Variants in RAP1GAP2 observed in about 807,000 individuals in gnomAD.
The protein encoded by RAP1GAP2 is rap1 GTPase-activating protein 2.
RAP1GAP2 carries 27 observed loss-of-function variants against 95.0 expected under a neutral mutation model. That is an observed-to-expected ratio of 0.28 (90% confidence interval 0.21 to 0.39). RAP1GAP2 has a LOEUF of 0.39. Among genes scored for constraint, RAP1GAP2 ranks in the 10% least tolerant of loss-of-function variants. The pLI is 1.00. For missense variants in RAP1GAP2, 771 were observed against 970.0 expected (o/e 0.79, Z 2.72); for synonymous variants, 373 against 380.9 (o/e 0.98, Z 0.24).
At chr17:2,789,781 GAAAAAAAAAA>G (rs35791780) in intron 1 of RAP1GAP2, among the ~76,000 whole-genome samples, 3 of 71,996 alleles carry the variant, frequency 4.2e-5, no homozygotes, top group Non-Finnish European at 7.3e-5. Context: ...GACTCCATCT[GAAAAAAAAAA>G]AAAAAAAAAA....
intron 2 of RAP1GAP2, among the ~76,000 whole-genome samples, chr17:2,841,415 T>G (rs1231818636): frequency 6.7e-6 from 1 of 148,966 alleles, no homozygotes; most frequent in Non-Finnish European, 1.5e-5. Context: ...GCCATTCTCC[T>G]GCCTCAGCCT....
At chr17:2,886,995 T>A (rs1308105964) in intron 2 of RAP1GAP2, among the ~76,000 whole-genome samples, 2 of 152,188 alleles carry the variant, frequency 1.3e-5, no homozygotes, top group Non-Finnish European at 2.9e-5. Context: ...TTGAAAAGAT[T>A]AAATGAAATA....
chr17:2,913,269 G>A (rs2042453477), intron 3 of RAP1GAP2, among the ~76,000 whole-genome samples: 1 of 151,802 alleles, frequency 6.6e-6, no homozygotes, highest in African/African-American at 2.4e-5. Flanking sequence ...ACCTGAGCAT[G>A]TGCCTATTTT....
chr17:2,796,594 G>A lies in RAP1GAP2; in HGVS notation c.44+23G>A. The A allele has an allele frequency of 6.4e-7, 1 of 1,554,030 alleles. No homozygotes were observed. Among genetic ancestry groups the A allele is most frequent in the East Asian group, 2.4e-5 (1 of 41,268 alleles). ...ATGGTGGGTGACAGGTGGGAGGGTG[G>A]GGGAATGATGGGAGAGAACTTAGAA... On this transcript the variant is annotated intron_variant, in intron 1 of 24. Coordinates refer to ENST00000254695, the MANE Select transcript of RAP1GAP2 (RefSeq NM_015085.5). This position sits in a 1 kb window ranked among gnomAD's most constrained non-coding sequence, Gnocchi z 4.7.
At chr17:2,899,444 C>T (rs890572712) in intron 2 of RAP1GAP2, among the ~76,000 whole-genome samples, 3 of 152,064 alleles carry the variant, frequency 2.0e-5, no homozygotes, top group Non-Finnish European at 1.5e-5. Flanking sequence ...ATCTCCTGAC[C>T]TCGTGATCCG....
intron 2 of RAP1GAP2, among the ~76,000 whole-genome samples, chr17:2,864,548 G>C (rs1349921783): frequency 7.9e-5 from 12 of 152,178 alleles, no homozygotes; most frequent in Admixed American, 6.5e-5. Flanking sequence ...CCTACACCTG[G>C]CCACACCTTT....
At chr17:2,781,727 T>C (rs939417030) in intron 1 of RAP1GAP2, among the ~76,000 whole-genome samples, 2 of 150,500 alleles carry the variant, frequency 1.3e-5, no homozygotes, top group Non-Finnish European at 3.0e-5. Flanking sequence ...CACGTCTCTG[T>C]GTGTGCACGT....
chr17:2,813,928 A>G (rs1365314876), intron 2 of RAP1GAP2, among the ~76,000 whole-genome samples: 1 of 152,044 alleles, frequency 6.6e-6, no homozygotes, highest in East Asian at 1.9e-4. Flanking sequence ...GCACCATTGC[A>G]CTCTAGCCTG....
intron 2 of RAP1GAP2, among the ~76,000 whole-genome samples, chr17:2,815,984 G>A (rs536518555): frequency 4.6e-5 from 7 of 152,340 alleles, no homozygotes; most frequent in East Asian, 3.9e-4. Flanking sequence ...AAGGGCAGAC[G>A]TGTGTGTACA....
intron 1 of RAP1GAP2, among the ~76,000 whole-genome samples, chr17:2,764,561 AAG>A (rs1166575571): frequency 2.0e-5 from 3 of 151,700 alleles, no homozygotes; most frequent in African/African-American, 7.3e-5. Flanking sequence ...TCTCTACTAA[AAG>A]CACAAAAATT....
At chr17:2,840,804 C>G (rs973592055) in intron 2 of RAP1GAP2, among the ~76,000 whole-genome samples, 1 of 151,938 alleles carries the variant, frequency 6.6e-6, no homozygotes, top group Non-Finnish European at 1.5e-5. Context: ...TCGAGACCAG[C>G]CTGGCCAATA....
rs2047359106 is a variant in RAP1GAP2, at chr17:3,032,572, AAG to A, written c.*30+126_*30+127del. ...AGATGCCGCCAGCTGGGGATGTCCA[AAG>A]AGTCTCCTACTCGCCCCTGAAGACC... On this transcript the variant is annotated intron_variant, in intron 24 of 24. Transcript: ENST00000254695. 5 of 949,482 alleles carry A rather than the reference AAG, an allele frequency of 5.3e-6. No homozygotes were observed. The African/African-American group carries it at 6.5e-5, about 12-fold the overall frequency. 58.8% of individuals were successfully genotyped at this position (949,482 alleles called of 1,614,324 possible). A position where few individuals can be genotyped will look rare whatever the true frequency, so the allele number is the denominator to read the frequency against.
At chr17:2,934,614 T>C (rs1332464922) in intron 3 of RAP1GAP2, among the ~76,000 whole-genome samples, 1 of 152,238 alleles carries the variant, frequency 6.6e-6, no homozygotes, top group African/African-American at 2.4e-5. Flanking sequence ...GTACAAATAA[T>C]TACTGAGTGT....
intron 8 of RAP1GAP2, among the ~76,000 whole-genome samples, chr17:2,979,861 C>T (rs1016991009): frequency 2.0e-5 from 3 of 152,038 alleles, no homozygotes; most frequent in Non-Finnish European, 4.4e-5. Flanking sequence ...CACCTGAGGC[C>T]GATCTGGCCT....
At chr17:2,958,594 C>T (rs149573540) in intron 4 of RAP1GAP2, among the ~76,000 whole-genome samples, 1,565 of 151,946 alleles carry the variant, frequency 0.01, 26 homozygotes, top group African/African-American at 0.036. Flanking sequence ...ATTATTATCC[C>T]CATAGGACAG....
rs764538373 is a variant in RAP1GAP2 at position 3,026,484 on chromosome 17, C to G, written c.1980+20C>G. ...AGTGGGGTAGGTGTGCCCCGTCCAC[C>G]CTTGGGCAGGCACTCTGGGGCGTCA... On this transcript the variant is annotated intron_variant, in intron 21 of 24. Transcript: ENST00000254695. The G allele has an allele frequency of 1.3e-6, 2 of 1,522,012 alleles. No homozygotes were observed. The highest frequency in any genetic ancestry group is 1.8e-6 in the Non-Finnish European group (2 of 1,127,128). 94.3% of individuals were successfully genotyped at this position (1,522,012 alleles called of 1,614,324 possible).
At chr17:2,951,516 C>G (rs530945002) in intron 3 of RAP1GAP2, among the ~76,000 whole-genome samples, 1 of 151,832 alleles carries the variant, frequency 6.6e-6, no homozygotes, top group Admixed American at 6.6e-5. Context: ...CTCAGGAGTT[C>G]AAAACCAGCC....
chr17:2,965,696 C>G lies in RAP1GAP2; in HGVS notation c.596+53C>G. On this transcript the variant is annotated intron_variant, in intron 8 of 24. Transcript: ENST00000254695. The surrounding 1 kb of genome is among the most constrained non-coding windows in gnomAD (Gnocchi z 4.7). ...CTTCTCTTCCAGGCAGGGCTCTCAT[C>G]GGTGGTGTGGGGGCTGGGATGGGAC... 2 of 1,349,968 alleles carry G rather than the reference C, an allele frequency of 1.5e-6. No homozygotes were observed. Among genetic ancestry groups the G allele is most frequent in the Admixed American group, 3.9e-5 (2 of 51,604 alleles). 83.6% of individuals were successfully genotyped at this position (1,349,968 alleles called of 1,614,324 possible).
intron 19 of RAP1GAP2, among the ~76,000 whole-genome samples, chr17:3,021,333 G>A (rs12951691): frequency 0.14 from 14,781 of 106,226 alleles, 978 homozygotes; most frequent in Middle Eastern, 0.28. Flanking sequence ...GCCCTCCCCC[G>A]CCCCTTCCCA....
Sources: gnomAD v4.1 joint callset for allele counts (sites outside exome capture counted in the v4.1 genomes callset) on GRCh38, gnomAD v4.1.1 for gene constraint, Gnocchi (gnomAD v3.1) non-coding constraint, MANE v1.5 for transcripts, NCBI Gene and HGNC (gene_info 2026-07-23, HGNC 2026-07-21) for gene names.